Variants in LRRC7 observed in about 807,000 individuals in gnomAD.
LRRC7 encodes leucine rich repeat containing 7, also known as leucine-rich repeat-containing protein 7.
In LRRC7, 23 loss-of-function variants were observed where a neutral mutation model predicts 175.7. The observed-to-expected ratio is 0.13, with a 90% confidence interval of 0.09 to 0.19. LRRC7 has a LOEUF of 0.19. LRRC7 is among the 10% of genes least tolerant of loss of function. The pLI is 1.00. For synonymous variants in LRRC7, 685 were observed against 680.9 expected (o/e 1.01, Z -0.09); for missense variants, 1,354 against 1,904.7 (o/e 0.71, Z 5.38).
At chr1:69,612,771 A>G (rs1382434933) in intron 1 of LRRC7, among the ~76,000 whole-genome samples, 4 of 152,100 alleles carry the variant, frequency 2.6e-5, no homozygotes, top group Admixed American at 6.6e-5. Context: ...ATATACCTAT[A>G]TAGTCGTTTT....
At chr1:69,766,424 T>G (rs547452752) in intron 3 of LRRC7, among the ~76,000 whole-genome samples, 4 of 152,180 alleles carry the variant, frequency 2.6e-5, no homozygotes, top group African/African-American at 9.7e-5. Context: ...ATTTCACTTA[T>G]AGAGATCACA....
At chr1:70,098,163 G>A (rs1331931635) in intron 25 of LRRC7, among the ~76,000 whole-genome samples, 1 of 152,194 alleles carries the variant, frequency 6.6e-6, no homozygotes, top group Non-Finnish European at 1.5e-5. Context: ...TCTACCTGGT[G>A]TGAGATGGTA....
At chr1:69,910,640 CG>C (rs1235440579) in intron 7 of LRRC7, among the ~76,000 whole-genome samples, 2 of 152,178 alleles carry the variant, frequency 1.3e-5, no homozygotes, top group Non-Finnish European at 2.9e-5. Flanking sequence ...TTAGGCTGCT[CG>C]GGGGTCAAGG....
chr1:69,856,812 A>T (rs891425325), intron 7 of LRRC7, among the ~76,000 whole-genome samples: 14 of 152,172 alleles, frequency 9.2e-5, no homozygotes, highest in Non-Finnish European at 1.8e-4. Context: ...CACAACAAAA[A>T]AAGAGAATTG....
intron 7 of LRRC7, among the ~76,000 whole-genome samples, chr1:69,929,935 G>A (rs1046932497): frequency 6.6e-6 from 1 of 152,012 alleles, no homozygotes; most frequent in Non-Finnish European, 1.5e-5. Flanking sequence ...ATGTCTTCAA[G>A]CAAGTAAAAT....
chr1:69,756,837 G>T (rs775665712), intron 2 of LRRC7, among the ~76,000 whole-genome samples: 52 of 151,932 alleles, frequency 3.4e-4, no homozygotes, highest in Admixed American at 2.0e-4. Context: ...ATAGTGAAGA[G>T]TAATTCTAGG....
At chr1:69,880,926 A>G (rs954829163) in intron 7 of LRRC7, among the ~76,000 whole-genome samples, 1 of 152,230 alleles carries the variant, frequency 6.6e-6, no homozygotes, top group African/African-American at 2.4e-5. Context: ...AGAATAATGC[A>G]TCTTGCATTT....
At chr1:69,774,694 A>G (rs928349046) in intron 3 of LRRC7, among the ~76,000 whole-genome samples, 1 of 152,216 alleles carries the variant, frequency 6.6e-6, no homozygotes, top group African/African-American at 2.4e-5. Flanking sequence ...AGTAAAGCAA[A>G]CACAGGGAAC....
At chr1:70,040,707 G>A (rs1045497330) in intron 21 of LRRC7, among the ~76,000 whole-genome samples, 1 of 151,992 alleles carries the variant, frequency 6.6e-6, no homozygotes, top group South Asian at 2.1e-4. Flanking sequence ...CCAGCTACTC[G>A]GGAGGCTGAG....
chr1:69,792,111 C>T lies in LRRC7; in HGVS notation c.372C>T (p.Thr124=). The change falls in exon 4 of 27, where the codon ACC becomes ACT. Residue 124 remains threonine (T), a synonymous_variant. Coordinates refer to ENST00000651989, the MANE Select transcript of LRRC7 (RefSeq NM_001370785.2). The part of the protein sequence containing the change: ...IPDNDLSNLP[T]TIASLVNLKE... ...ATAACGACCTTTCAAATCTGCCAAC[C>T]ACTATTGCTAGTTTAGTTAATCTTA... 6.2e-7 allele frequency: 1 copy of T among 1,610,374 alleles called. No individual in the cohort carries two copies.
intron 7 of LRRC7, among the ~76,000 whole-genome samples, chr1:69,860,315 CT>C (rs1179749440): frequency 6.6e-6 from 1 of 151,742 alleles, no homozygotes; most frequent in African/African-American, 2.4e-5. Flanking sequence ...TGTATTAATA[CT>C]TTAAACTCAC....
intron 2 of LRRC7, among the ~76,000 whole-genome samples, chr1:69,731,384 C>T (rs1430553873): frequency 6.6e-6 from 1 of 152,094 alleles, no homozygotes; most frequent in Non-Finnish European, 1.5e-5. Context: ...TCAATTACCT[C>T]CCACCAGGTT....
chr1:69,755,101 T>A (rs1366101519), intron 2 of LRRC7, among the ~76,000 whole-genome samples: 1 of 151,898 alleles, frequency 6.6e-6, no homozygotes, highest in Non-Finnish European at 1.5e-5. Context: ...AGAGTGTTTT[T>A]AAAAGGACAA....
chr1:69,894,200 G>A (rs1263815039), intron 7 of LRRC7, among the ~76,000 whole-genome samples: 1 of 152,070 alleles, frequency 6.6e-6, no homozygotes, highest in Non-Finnish European at 1.5e-5. Context: ...AATTCACATA[G>A]CCCTCATAGT....
chr1:69,584,016 C>A (rs950515777), intron 1 of LRRC7, among the ~76,000 whole-genome samples: 3 of 152,046 alleles, frequency 2.0e-5, no homozygotes, highest in African/African-American at 7.2e-5. Context: ...TAATCTGCAG[C>A]AGATGAAAAG....
chr1:70,049,765 C>A (rs1232515187), intron 22 of LRRC7, among the ~76,000 whole-genome samples: 1 of 151,926 alleles, frequency 6.6e-6, no homozygotes, highest in Non-Finnish European at 1.5e-5. Context: ...CTTTGTAATA[C>A]CTATTTTTTC....
intron 7 of LRRC7, among the ~76,000 whole-genome samples, chr1:69,911,350 G>A (rs1272827356): frequency 6.6e-6 from 1 of 152,142 alleles, no homozygotes; most frequent in Admixed American, 6.5e-5. Context: ...GCTCCACCCT[G>A]TTGTAAGTTC....
At chr1:69,943,984 AC>A (rs1649026253) in intron 8 of LRRC7, among the ~76,000 whole-genome samples, 1 of 140,148 alleles carries the variant, frequency 7.1e-6, no homozygotes, top group African/African-American at 2.5e-5. Flanking sequence ...ACACACACAC[AC>A]ACAACATGAG....
chr1:69,823,998 A>G (rs1679608429), intron 4 of LRRC7, among the ~76,000 whole-genome samples: 1 of 152,214 alleles, frequency 6.6e-6, no homozygotes, highest in Non-Finnish European at 1.5e-5. Context: ...TGTAAACAAT[A>G]TAATACAAAT....
Sources: allele counts gnomAD v4.1 joint callset (sites outside exome capture counted in the v4.1 genomes callset), GRCh38; gene constraint gnomAD v4.1.1; transcripts MANE v1.5; gene names NCBI Gene and HGNC (gene_info 2026-07-23, HGNC 2026-07-21).